Variants in OAT observed in about 807,000 individuals in gnomAD.
OAT encodes the protein ornithine aminotransferase.
OAT carries 35 observed loss-of-function variants against 48.4 expected under a neutral mutation model. The ratio of observed to expected loss-of-function variants is 0.72; its 90% CI spans 0.55 to 0.96. OAT has a LOEUF of 0.96. Among genes scored for constraint, OAT ranks in the 40% least tolerant of loss-of-function variants. OAT has a pLI of 0.00. For synonymous variants in OAT, 182 were observed against 198.4 expected (o/e 0.92, Z 0.70); for missense variants, 438 against 537.9 (o/e 0.81, Z 1.84).
intron 7 of OAT, among the ~76,000 whole-genome samples, chr10:124,402,716 A>C (rs979777940): frequency 6.6e-6 from 1 of 152,176 alleles, no homozygotes; most frequent in African/African-American, 2.4e-5. Flanking sequence ...AGCAAATTCC[A>C]AGGCACACTC....
In OAT at chr10:124,403,934, A is replaced by G. The variant is rs1463072006; in HGVS notation, c.649-14T>C. ...CTGAAGAGCACGCTACAGAAGAAACAGGAATAAGTTTTAATAACTTCCTTT... is the reference window on the plus strand; with the variant it reads ...CTGAAGAGCACGCTACAGAAGAAACGGGAATAAGTTTTAATAACTTCCTTT... On this transcript the variant is annotated splice_polypyrimidine_tract_variant and intron_variant, in intron 5 of 9. Transcript: ENST00000368845. The G allele has an allele frequency of 6.2e-7, 1 of 1,613,880 alleles. No homozygotes were observed. The highest frequency in any genetic ancestry group is 1.3e-5 in the African/African-American group (1 of 74,948).
In OAT at chr10:124,403,035, T is replaced by A. The variant is rs1174503043; in HGVS notation, c.792A>T (p.Glu264Asp). The A allele has an allele frequency of 6.2e-7, 1 of 1,614,158 alleles. No homozygotes were observed. The highest frequency in any genetic ancestry group is 1.3e-5 in the African/African-American group (1 of 75,048). The change falls in exon 7 of 10, where the codon GAA (glutamate) becomes GAT (aspartate). Residue 264 changes from glutamate (E) to aspartate (D), a missense_variant. By Grantham distance (45) the Glu-to-Asp change is conservative. Coordinates refer to ENST00000368845, the MANE Select transcript of OAT (RefSeq NM_000274.4). ...CAGTTCTGGCCAATCCTGTCTGTAT[T>A]TCATCAGCAATAAAGAGAACCTATT... The part of the protein sequence containing the change: ...TRHQVLFIAD[E>D]IQTGLARTGR...
chr10:124,406,890 A>T (rs1951595720), intron 4 of OAT: 1 of 902,414 alleles, frequency 1.1e-6, no homozygotes, highest in South Asian at 5.1e-5. Flanking sequence ...TCTAGCAGGG[A>T]GAAAACACCT....
chr10:124,408,905 G>A lies in OAT; in HGVS notation c.260C>T (p.Ala87Val). The A allele has an allele frequency of 6.2e-7, 1 of 1,613,942 alleles. No homozygotes were observed. Among genetic ancestry groups the A allele is most frequent in the African/African-American group, 1.3e-5 (1 of 75,018 alleles). ...KYFDFLSSYSAVNQGHCHPKI... is the reference protein window; with the variant it reads ...KYFDFLSSYSVVNQGHCHPKI... ...GGGGTGACAATGCCCTTGGTTGACAGCACTGTAAGAACTCAGGAAGTCAAA... is the reference window on the plus strand; with the variant it reads ...GGGGTGACAATGCCCTTGGTTGACAACACTGTAAGAACTCAGGAAGTCAAA... The change falls in exon 3 of 10, where the codon GCT (alanine) becomes GTT (valine). Residue 87 changes from alanine to valine, a missense_variant. Coordinates refer to ENST00000368845, the MANE Select transcript of OAT (RefSeq NM_000274.4).
intron 2 of OAT, among the ~76,000 whole-genome samples, chr10:124,409,413 G>A (rs978950291): frequency 6.6e-6 from 1 of 152,066 alleles, no homozygotes; most frequent in Admixed American, 6.6e-5. Flanking sequence ...AAAAATGCTG[G>A]GCATGGTAGT....
chr10:124,411,992 T>C lies in OAT; in HGVS notation c.180A>G (p.Val60=). The C allele has an allele frequency of 3.1e-6, 5 of 1,614,022 alleles. No individual in the cohort carries two copies. Among genetic ancestry groups the C allele is most frequent in the Non-Finnish European group, 3.4e-6 (4 of 1,179,838 alleles). Residue 60 remains valine (V), a synonymous_variant, in exon 2 of 10, where the codon GTA becomes GTG. Transcript: ENST00000368845. ...ACGTACCTTTTCCTCTCTCCAGGGC[T>C]ACAGGTAAAGGATGGTAGTTGTGTG... ...YGAHNYHPLP[V]ALERGKGIYL... is the part of the protein sequence containing the mutation.
In OAT at chr10:124,412,185, T is replaced by A; in HGVS notation, c.-14A>T. On this transcript the variant is annotated 5_prime_UTR_variant, in exon 2 of 10. Coordinates refer to ENST00000368845, the MANE Select transcript of OAT (RefSeq NM_000274.4). ...TTTGGAAAACATTGTGTCCTTCAAG[T>A]AGAAAAACCACAGATCTGTCCAAAG... 1.9e-6 allele frequency: 3 copies of A among 1,610,060 alleles called. No homozygotes were observed. The highest frequency in any genetic ancestry group is 2.5e-6 in the Non-Finnish European group (3 of 1,177,746).
intron 2 of OAT, among the ~76,000 whole-genome samples, chr10:124,411,444 G>C (rs1000711554): frequency 5.3e-5 from 8 of 152,124 alleles, no homozygotes; most frequent in African/African-American, 1.7e-4. Flanking sequence ...TTCCCTCTTG[G>C]TAAGGTCTAC....
At chr10:124,403,963 C>T (rs769185589) in intron 5 of OAT, 43 bp from the exon 6 acceptor site, 22 of 1,611,964 alleles carry the variant, frequency 1.4e-5, no homozygotes, top group Non-Finnish European at 1.9e-5. Context: ...TTCCTTTCTA[C>T]CACACTTGGA....
intron 7 of OAT, among the ~76,000 whole-genome samples, chr10:124,402,259 G>A (rs1020037817): frequency 6.6e-6 from 1 of 152,096 alleles, no homozygotes; most frequent in African/African-American, 2.4e-5. Context: ...CTAACTACCA[G>A]TAACAACCTA....
rs1951679543 is a variant in OAT at position 124,408,960 on chromosome 10, A to G, written c.205T>C (p.Tyr69His). ...TTTCTGCCTTCTACATCCCATAAGT[A>G]AATACCTAAAATACATAAGAAAGGA... ...PVALERGKGI[Y>H]LWDVEGRKYF... Residue 69 changes from tyrosine (Y) to histidine (H), a missense_variant, in exon 3 of 10, where the codon TAC (tyrosine) becomes CAC (histidine). Tyr to His is a moderately conservative substitution (Grantham distance 83). Coordinates refer to ENST00000368845, the MANE Select transcript of OAT (RefSeq NM_000274.4). The G allele has an allele frequency of 6.2e-7, 1 of 1,606,086 alleles. No homozygotes were observed. The highest frequency in any genetic ancestry group is 1.3e-5 in the African/African-American group (1 of 74,758).
intron 4 of OAT, among the ~76,000 whole-genome samples, chr10:124,406,484 G>A (rs1343358072): frequency 6.6e-6 from 1 of 151,192 alleles, no homozygotes; most frequent in African/African-American, 2.4e-5. Context: ...GAGCAAGACT[G>A]TCTCAAAAAA....
intron 2 of OAT, among the ~76,000 whole-genome samples, chr10:124,409,848 C>T (rs958957551): frequency 1.2e-4 from 19 of 152,134 alleles, no homozygotes; most frequent in South Asian, 2.1e-4. Flanking sequence ...TAGGAAAATG[C>T]AAGTTAAAAC....
intron 1 of OAT, among the ~76,000 whole-genome samples, chr10:124,418,651 C>T (rs898738908): frequency 2.6e-5 from 4 of 151,928 alleles, no homozygotes; most frequent in African/African-American, 9.7e-5. Context: ...AGCTGCGCGC[C>T]GGCCGGAGAC....
intron 2 of OAT, among the ~76,000 whole-genome samples, chr10:124,410,480 GTTCTT>G (rs1951714045): frequency 6.6e-6 from 1 of 152,208 alleles, no homozygotes; most frequent in Admixed American, 6.5e-5. Context: ...CCAGTGTTAA[GTTCTT>G]GATTTTTACA....
rs8182 is a variant in OAT, at chr10:124,397,407, A to G, written c.*535T>C. The G allele has an allele frequency of 0.064, 9,746 of 152,442 alleles. 433 individuals are homozygous for G. The highest frequency in any genetic ancestry group is 0.084 in the Non-Finnish European group (5,746 of 68,136). The allele number at this position is 152,442 out of a possible 1,614,324, so 9.4% of individuals were successfully genotyped here. A position where few individuals can be genotyped will look rare whatever the true frequency, so the allele number is the denominator to read the frequency against. Reference sequence around the variant, plus strand: ...TCAAAACAATTTAGGAATGTTAAACACTAATTCTTAATTCAAAATAATGAC... The same window carrying G: ...TCAAAACAATTTAGGAATGTTAAACGCTAATTCTTAATTCAAAATAATGAC... On this transcript the variant is annotated 3_prime_UTR_variant, in exon 10 of 10. Transcript: ENST00000368845.
chr10:124,402,577 G>T (rs911034095), intron 7 of OAT, among the ~76,000 whole-genome samples: 4 of 152,158 alleles, frequency 2.6e-5, no homozygotes, highest in African/African-American at 9.7e-5. Context: ...ATTTTTCTCA[G>T]TCTCTTTGTT....
intron 1 of OAT, chr10:124,414,450 A>T (rs1951854315): frequency 6.6e-6 from 1 of 152,220 alleles, no homozygotes; most frequent in Non-Finnish European, 1.5e-5. Context: ...AAAATGCAGA[A>T]TTACATGCAG....
At chr10:124,400,794 G>C (rs767408708) in intron 9 of OAT, 46 bp downstream of exon 9, 3 of 1,393,216 alleles carry the variant, frequency 2.2e-6, no homozygotes, top group South Asian at 2.4e-5. Context: ...GTGTATTTTA[G>C]GTCTTCCTTA....
Sources: allele counts gnomAD v4.1 joint callset (sites outside exome capture counted in the v4.1 genomes callset), GRCh38; gene constraint gnomAD v4.1.1; transcripts MANE v1.5; gene names NCBI Gene and HGNC (gene_info 2026-07-23, HGNC 2026-07-21).